Variants in PROCR observed in about 807,000 individuals in gnomAD.
PROCR encodes the protein endothelial protein C receptor.
Under a neutral mutation model 24.2 loss-of-function variants are expected in PROCR, and 22 were observed. That is an observed-to-expected ratio of 0.91 (90% confidence interval 0.65 to 1.30). The LOEUF (loss-of-function observed/expected upper bound fraction) is 1.30. Among genes scored for constraint, PROCR ranks in the 50% most tolerant of loss-of-function variants. The probability of loss-of-function intolerance (pLI) is 0.00; values close to 1 mark genes in which losing one functional copy is unlikely to be tolerated. For missense variants in PROCR, 288 were observed against 307.7 expected, an observed-to-expected ratio of 0.94 and a Z score of 0.48; for synonymous variants, 137 against 139.2, an observed-to-expected ratio of 0.98 and a Z score of 0.11.
chr20:35,179,378 C>CA (rs1009558010), downstream of PROCR, among the ~76,000 whole-genome samples: 33 of 148,582 alleles, frequency 2.2e-4, no homozygotes, highest in African/African-American at 2.7e-4. Flanking sequence ...CCTGTCTCTA[C>CA]AAAAAAAAAT....
intron 1 of PROCR, among the ~76,000 whole-genome samples, chr20:35,192,380 A>G (rs2086180614): frequency 6.6e-6 from 1 of 152,232 alleles, no homozygotes; most frequent in African/African-American, 2.4e-5. Flanking sequence ...TGGCCAAGTT[A>G]GGTCAGAGCC....
chr20:35,190,140 A>G (rs928257821), intron 1 of PROCR, among the ~76,000 whole-genome samples: 2 of 152,048 alleles, frequency 1.3e-5, no homozygotes, highest in Admixed American at 6.5e-5. Context: ...AAAAGAAACC[A>G]AAACTCTATT....
chr20:35,178,030 G>T (rs1426640299), downstream of PROCR, among the ~76,000 whole-genome samples: 1 of 151,994 alleles, frequency 6.6e-6, no homozygotes, highest in Non-Finnish European at 1.5e-5. Context: ...CTTTCTAGGT[G>T]ACCTACTGAC....
intron 1 of PROCR, among the ~76,000 whole-genome samples, chr20:35,212,540 G>C (rs746379221): frequency 2.6e-5 from 4 of 152,216 alleles, no homozygotes; most frequent in Non-Finnish European, 5.9e-5. Flanking sequence ...GTCCAAGTAA[G>C]AGATAATGAA....
intron 1 of PROCR, among the ~76,000 whole-genome samples, chr20:35,173,401 T>A (rs1387697115): frequency 6.6e-6 from 1 of 151,514 alleles, no homozygotes; most frequent in Non-Finnish European, 1.5e-5. Flanking sequence ...GGTCTTTTTT[T>A]CTTTGCTTTT....
chr20:35,180,860 TTTTTG>T (rs768329592), downstream of PROCR, among the ~76,000 whole-genome samples: 24 of 144,600 alleles, frequency 1.7e-4, no homozygotes, highest in Admixed American at 5.5e-4. Context: ...TGTTTTTTGT[TTTTTG>T]TTTTGTTTTG....
chr20:35,184,798 C>A (rs1336429657), intron 1 of PROCR, among the ~76,000 whole-genome samples: 1 of 152,124 alleles, frequency 6.6e-6, no homozygotes, highest in African/African-American at 2.4e-5. Context: ...AAAAACCCTT[C>A]TAGACATTGG....
At chr20:35,183,349 C>T (rs772744018) in intron 1 of PROCR, among the ~76,000 whole-genome samples, 22 of 152,118 alleles carry the variant, frequency 1.4e-4, no homozygotes, top group Non-Finnish European at 2.6e-4. Flanking sequence ...AGTTAGATTA[C>T]ACATGAGATC....
At chr20:35,198,981 T>TG (rs1203551834) in intron 1 of PROCR, among the ~76,000 whole-genome samples, 1 of 152,182 alleles carries the variant, frequency 6.6e-6, no homozygotes, top group Non-Finnish European at 1.5e-5. Context: ...CCCAAAGTGC[T>TG]GGGATTACAG....
chr20:35,189,705 C>T (rs2086157260), intron 1 of PROCR, among the ~76,000 whole-genome samples: 1 of 152,150 alleles, frequency 6.6e-6, no homozygotes, highest in African/African-American at 2.4e-5. Context: ...TAAAATTTCT[C>T]TCTTTTGTAC....
At chr20:35,180,290 C>T (rs145575845), downstream of PROCR, among the ~76,000 whole-genome samples, 4 of 151,706 alleles carry the variant, frequency 2.6e-5, no homozygotes, top group East Asian at 3.9e-4. Flanking sequence ...AAAGACTTGC[C>T]GTTCAGCTAT....
At chr20:35,174,639 T>C in intron 1 of PROCR, 63 bp from the exon 2 acceptor site, 2 of 1,606,626 alleles carry the variant, frequency 1.2e-6, no homozygotes, top group Admixed American at 1.7e-5. Context: ...AGGGGGTTAT[T>C]ATCTTCCGCT....
At chr20:35,193,294 G>T (rs1343359428) in intron 1 of PROCR, among the ~76,000 whole-genome samples, 1 of 151,842 alleles carries the variant, frequency 6.6e-6, no homozygotes, top group Non-Finnish European at 1.5e-5. Context: ...TCCTGCCACA[G>T]CCCCCCGAGT....
intron 1 of PROCR, among the ~76,000 whole-genome samples, chr20:35,208,019 G>A (rs905057733): frequency 3.3e-5 from 5 of 152,200 alleles, no homozygotes; most frequent in Non-Finnish European, 5.9e-5. Context: ...TCCATTTATT[G>A]GGTTAACTAG....
intron 1 of PROCR, among the ~76,000 whole-genome samples, chr20:35,183,829 A>G (rs1214152121): frequency 6.6e-6 from 1 of 152,208 alleles, no homozygotes. Flanking sequence ...AAGAAGATAC[A>G]CCAGTGGCCA....
At chr20:35,188,846 G>A (rs1388742017) in intron 1 of PROCR, among the ~76,000 whole-genome samples, 2 of 152,208 alleles carry the variant, frequency 1.3e-5, no homozygotes, top group Non-Finnish European at 1.5e-5. Context: ...AGAGGGACCT[G>A]CTGAAGCCGT....
chr20:35,180,722 G>A (rs1487223109), downstream of PROCR, among the ~76,000 whole-genome samples: 2 of 152,104 alleles, frequency 1.3e-5, no homozygotes, highest in African/African-American at 4.8e-5. Flanking sequence ...TCTCAATCTT[G>A]TCTGGACCAT....
Position 35,197,472 on chromosome 20 carries a change from A to G in PROCR, c.95-18421A>G, listed in dbSNP as rs1185250453. ...GGCCCTCCCTATTCTGTGAGGCAAT[A>G]TACATTGAAATTAGGCCAATGAATA... is the stretch of plus-strand genomic sequence containing the variant. On this transcript the variant is annotated intron_variant, in intron 1 of 1. Transcript: ENST00000634509. Among the ~76,000 whole-genome samples the G allele has an allele frequency of 3.3e-5, 5 of 152,134 alleles. No individual in the cohort carries two copies. The East Asian group carries it at 9.6e-4, about 29-fold the overall frequency.
Position 35,184,027 on chromosome 20 carries a change from A to G in PROCR, c.94+7581A>G, listed in dbSNP as rs896906449. 2.6e-5 allele frequency among the ~76,000 whole-genome samples: 4 copies of G among 152,186 alleles called. 1 individual carries two copies. The highest frequency in any genetic ancestry group is 2.6e-4 in the Admixed American group (4 of 15,278). On this transcript the variant is annotated intron_variant, in intron 1 of 1. Transcript: ENST00000634509. ...CAGTCCCCATCAAAATACCACCATC[A>G]TTCTTCACAGAGTTAGAAAAAACAA...
Sources: gnomAD v4.1 joint callset for allele counts (sites outside exome capture counted in the v4.1 genomes callset) on GRCh38, gnomAD v4.1.1 for gene constraint, MANE v1.5 for transcripts, NCBI Gene and HGNC (gene_info 2026-07-23, HGNC 2026-07-21) for gene names.